ARHGAP31: variants seen among roughly 807,000 people sequenced by gnomAD.
ARHGAP31 encodes Rho GTPase activating protein 31.
In ARHGAP31, 34 loss-of-function variants were observed where a neutral mutation model predicts 113.9. That is an observed-to-expected ratio of 0.30 (90% confidence interval 0.23 to 0.40). The LOEUF (loss-of-function observed/expected upper bound fraction) is 0.40. Among genes scored for constraint, ARHGAP31 ranks in the 10% least tolerant of loss-of-function variants. The pLI is 1.00. For missense variants in ARHGAP31, 1,548 were observed against 1,767.1 expected, an observed-to-expected ratio of 0.88 and a Z score of 2.22; for synonymous variants, 650 against 684.8, an observed-to-expected ratio of 0.95 and a Z score of 0.79.
chr3:119,372,249 C>T (rs2080304263), intron 3 of ARHGAP31, among the ~76,000 whole-genome samples: 1 of 151,664 alleles, frequency 6.6e-6, no homozygotes. Flanking sequence ...GTTCATTTCT[C>T]CCCAACCTCA....
At position 119,402,170 on chromosome 3, in the gene ARHGAP31, T is replaced by A. The variant is rs1038058147; in HGVS notation, c.1418T>A (p.Met473Lys). The change falls in exon 10 of 12, where the codon ATG becomes AAG. Residue 473 changes from methionine (M) to lysine (K), a missense_variant. Transcript: ENST00000264245. ...GTCTTCACCAGCAGCCTCTTCCAGA[T>A]GGAGCCCTCGCCGCGTAACCAGCGC... The part of the protein sequence containing the change: ...KSVFTSSLFQ[M>K]EPSPRNQRKA... The A allele has an allele frequency of 1.2e-6, 2 of 1,614,160 alleles. No individual in the cohort carries two copies. Among genetic ancestry groups the A allele is most frequent in the African/African-American group, 2.7e-5 (2 of 74,962 alleles).
At chr3:119,375,347 G>C (rs965083140) in intron 3 of ARHGAP31, among the ~76,000 whole-genome samples, 4 of 152,138 alleles carry the variant, frequency 2.6e-5, no homozygotes, top group Non-Finnish European at 5.9e-5. Flanking sequence ...ACGTTCCTTG[G>C]ATTGTTGGTG....
At chr3:119,342,718 G>A (rs972360437) in intron 1 of ARHGAP31, among the ~76,000 whole-genome samples, 1 of 152,212 alleles carries the variant, frequency 6.6e-6, no homozygotes, top group Non-Finnish European at 1.5e-5. Context: ...GGGAGGCCAA[G>A]GTGGGCGGAT....
At chr3:119,345,116 C>G (rs2080044813) in intron 1 of ARHGAP31, among the ~76,000 whole-genome samples, 1 of 152,022 alleles carries the variant, frequency 6.6e-6, no homozygotes, top group South Asian at 2.1e-4. Flanking sequence ...TCCTGAGTAA[C>G]TGGGACTACA....
At chr3:119,315,169 T>C (rs1020087994) in intron 1 of ARHGAP31, among the ~76,000 whole-genome samples, 54 of 152,376 alleles carry the variant, frequency 3.5e-4, no homozygotes, top group African/African-American at 1.3e-3. Context: ...TGTATACTGC[T>C]GTTACCGTGT....
chr3:119,331,212 A>AAC lies in ARHGAP31; in HGVS notation c.101-34102_101-34101dup, dbSNP rs574065191. On this transcript the variant is annotated intron_variant, in intron 1 of 11. Coordinates refer to ENST00000264245, the MANE Select transcript of ARHGAP31 (RefSeq NM_020754.4). ...CCAGGGTCCCCATGCTAAATAATAA[A>AAC]ACATTGTTTCAGCCCCGAGTCACAT... is the stretch of plus-strand genomic sequence containing the variant. Among the ~76,000 whole-genome samples, 343 of 152,246 alleles carry AAC rather than the reference A, an allele frequency of 2.3e-3. 4 individuals are homozygous for AAC. Among genetic ancestry groups the AAC allele is most frequent in the African/African-American group, 7.8e-3 (324 of 41,536 alleles).
chr3:119,318,197 G>A (rs1310501405), intron 1 of ARHGAP31, among the ~76,000 whole-genome samples: 1 of 152,164 alleles, frequency 6.6e-6, no homozygotes, highest in Non-Finnish European at 1.5e-5. Context: ...TTGAACCCAG[G>A]AAGTCGAGGC....
chr3:119,389,211 A>C (rs558207153), intron 6 of ARHGAP31, among the ~76,000 whole-genome samples: 39 of 152,104 alleles, frequency 2.6e-4, no homozygotes, highest in East Asian at 1.9e-3. Flanking sequence ...AACAAAAAAA[A>C]CCATCTAATC....
intron 1 of ARHGAP31, among the ~76,000 whole-genome samples, chr3:119,359,628 T>G (rs1190637790): frequency 1.3e-5 from 2 of 151,858 alleles, no homozygotes; most frequent in African/African-American, 2.4e-5. Context: ...AGGGAGAGCC[T>G]CGCAGAGGCC....
chr3:119,410,115 C>T (rs1253923664), intron 11 of ARHGAP31, among the ~76,000 whole-genome samples: 1 of 152,148 alleles, frequency 6.6e-6, no homozygotes, highest in Non-Finnish European at 1.5e-5. Flanking sequence ...CTTGTCATAC[C>T]CCAGTCCCAA....
At chr3:119,321,453 A>G (rs542967307) in intron 1 of ARHGAP31, among the ~76,000 whole-genome samples, 2 of 149,984 alleles carry the variant, frequency 1.3e-5, no homozygotes, top group African/African-American at 4.9e-5. Flanking sequence ...CTTGTATGTA[A>G]TTCTATCACC....
chr3:119,331,528 GTATA>G (rs2079891559), intron 1 of ARHGAP31, among the ~76,000 whole-genome samples: 2 of 152,130 alleles, frequency 1.3e-5, no homozygotes, highest in African/African-American at 4.8e-5. Flanking sequence ...GGAAGAAGGT[GTATA>G]TATAGTACCT....
rs768676485 is a variant in ARHGAP31 at position 119,414,686 on chromosome 3, C to T, written c.2757C>T (p.His919=). 9.3e-6 allele frequency: 15 copies of T among 1,614,124 alleles called. No homozygotes were observed. In the Admixed American group the frequency reaches 1.7e-4, roughly 18 times the overall value. The change falls in exon 12 of 12, where the codon CAC becomes CAT. Residue 919 remains histidine (H), a synonymous_variant. Coordinates refer to ENST00000264245, the MANE Select transcript of ARHGAP31 (RefSeq NM_020754.4). ...CCCAGTGGGTGACGAGTCCCCTTCA[C>T]TCTCCCACCCTGAAAGACGCGCACA... ...EEPQWVTSPL[H]SPTLKDAHKA...
In ARHGAP31 at chr3:119,416,452, C is replaced by T. The variant is rs993959401; in HGVS notation, c.*188C>T. 16 of 797,792 alleles carry T rather than the reference C, an allele frequency of 2.0e-5. No homozygotes were observed. Among genetic ancestry groups the T allele is most frequent in the African/African-American group, 1.7e-4 (10 of 57,926 alleles). The allele number at this position is 797,792 out of a possible 1,614,324, so 49.4% of individuals were successfully genotyped here. ...GCTAGAAGAGTGGTCAAGGGAAAAA[C>T]GAGAGATGAAATTTAGTTAAGTCTA... is the stretch of plus-strand genomic sequence containing the variant. On this transcript the variant is annotated 3_prime_UTR_variant, in exon 12 of 12. Coordinates refer to ENST00000264245, the MANE Select transcript of ARHGAP31 (RefSeq NM_020754.4).
rs374289029 is a variant in ARHGAP31 at position 119,387,012 on chromosome 3, T to C, written c.683-3773T>C. Among the ~76,000 whole-genome samples, 10 of 152,284 alleles carry C rather than the reference T, an allele frequency of 6.6e-5. No homozygotes were observed. In the East Asian group the frequency reaches 9.6e-4, roughly 15 times the overall value. ...AAGCACAGCATCACAGGGAGATGGT[T>C]AGGCCTCCAGATAACTGCGGGCGAG... On this transcript the variant is annotated intron_variant, in intron 6 of 11. Coordinates refer to ENST00000264245, the MANE Select transcript of ARHGAP31 (RefSeq NM_020754.4).
At chr3:119,345,358 G>C (rs537587976) in intron 1 of ARHGAP31, among the ~76,000 whole-genome samples, 2 of 152,268 alleles carry the variant, frequency 1.3e-5, no homozygotes, top group Non-Finnish European at 2.9e-5. Context: ...TAACTACACA[G>C]AGCAGCAGGT....
intron 3 of ARHGAP31, among the ~76,000 whole-genome samples, chr3:119,371,434 C>T (rs1011190096): frequency 6.6e-6 from 1 of 152,134 alleles, no homozygotes; most frequent in Admixed American, 6.6e-5. Context: ...TTATTTGACA[C>T]TAAAAAACAG....
intron 2 of ARHGAP31, among the ~76,000 whole-genome samples, chr3:119,366,457 TA>T (rs554018947): frequency 1.4e-3 from 214 of 151,942 alleles, no homozygotes; most frequent in Non-Finnish European, 2.5e-3. Flanking sequence ...TCATAGCTGT[TA>T]AAAAAAATAA....
At chr3:119,363,393 C>T (rs1367038700) in intron 1 of ARHGAP31, among the ~76,000 whole-genome samples, 1 of 152,098 alleles carries the variant, frequency 6.6e-6, no homozygotes, top group Admixed American at 6.5e-5. Flanking sequence ...CCCACAGCAC[C>T]CCCCATCACA....
Sources: allele counts gnomAD v4.1 joint callset (sites outside exome capture counted in the v4.1 genomes callset), GRCh38; gene constraint gnomAD v4.1.1; transcripts MANE v1.5; gene names NCBI Gene and HGNC (gene_info 2026-07-23, HGNC 2026-07-21).